The following ADGRV1 variants were observed in gnomAD, a reference collection of about 807,000 sequenced individuals.
ADGRV1 encodes adhesion G protein-coupled receptor V1.
A neutral mutation model predicts 596.2 loss-of-function variants in ADGRV1; 359 were observed. That is an observed-to-expected ratio of 0.60 (90% CI 0.55 to 0.66). ADGRV1 has a LOEUF of 0.66. ADGRV1 is among the 30% of genes least tolerant of loss of function. The probability of loss-of-function intolerance (pLI) is 0.00; values close to 1 mark genes in which losing one functional copy is unlikely to be tolerated. For synonymous variants in ADGRV1, 2,681 were observed against 2,679.2 expected (o/e 1.00, Z -0.02); for missense variants, 7,274 against 7,575.6 (o/e 0.96, Z 1.48).
Position 90,643,786 on chromosome 5 carries a change from T to A in ADGRV1, c.2554-17T>A. 6.4e-7 allele frequency: 1 copy of A among 1,560,616 alleles called. No homozygotes were observed. Among genetic ancestry groups the A allele is most frequent in the East Asian group, 2.3e-5 (1 of 43,780 alleles). On this transcript the variant is annotated splice_polypyrimidine_tract_variant and intron_variant, in intron 13 of 89. Coordinates refer to ENST00000405460, the MANE Select transcript of ADGRV1 (RefSeq NM_032119.4). ...AGTCAACTTTATAATTTCCATACTTTGACACATTCACTTTAGTTGGATGAA... is the reference window on the plus strand; with the variant it reads ...AGTCAACTTTATAATTTCCATACTTAGACACATTCACTTTAGTTGGATGAA...
chr5:90,565,859 C>T (rs185243174), intron 1 of ADGRV1, among the ~76,000 whole-genome samples: 2 of 152,010 alleles, frequency 1.3e-5, no homozygotes, highest in African/African-American at 2.4e-5. Context: ...CCATCCTATT[C>T]GGTGTGAAGT....
At chr5:90,826,218 A>G (rs1170458237) in intron 76 of ADGRV1, among the ~76,000 whole-genome samples, 1 of 152,212 alleles carries the variant, frequency 6.6e-6, no homozygotes, top group African/African-American at 2.4e-5. Flanking sequence ...AGACCTAATG[A>G]TATACACAAT....
At chr5:90,608,308 A>T (rs1762347097) in intron 1 of ADGRV1, among the ~76,000 whole-genome samples, 1 of 152,144 alleles carries the variant, frequency 6.6e-6, no homozygotes, top group Admixed American at 6.6e-5. Context: ...TGAGTGGCAC[A>T]TTGAAGGGAA....
intron 78 of ADGRV1, among the ~76,000 whole-genome samples, chr5:90,847,840 C>T (rs1159360346): frequency 6.6e-6 from 1 of 152,178 alleles, no homozygotes; most frequent in African/African-American, 2.4e-5. Context: ...CCCGCCTCTC[C>T]CTCCACACCT....
At chr5:90,794,374 A>G (rs914015802) in intron 70 of ADGRV1, among the ~76,000 whole-genome samples, 1 of 152,206 alleles carries the variant, frequency 6.6e-6, no homozygotes, top group Non-Finnish European at 1.5e-5. Context: ...CAGACTGACA[A>G]TAAGAATCAT....
At chr5:90,866,383 A>G (rs1378286071) in intron 83 of ADGRV1, among the ~76,000 whole-genome samples, 2 of 151,518 alleles carry the variant, frequency 1.3e-5, no homozygotes, top group Non-Finnish European at 2.9e-5. Context: ...AAATCCAAAG[A>G]TTATTCCTGC....
chr5:90,690,912 C>T lies in ADGRV1; in HGVS notation c.6822C>T (p.Ala2274=), dbSNP rs1457761601. The change falls in exon 31 of 90, where the codon GCC becomes GCT. Residue 2274 remains alanine (A), a synonymous_variant. Coordinates refer to ENST00000405460, the MANE Select transcript of ADGRV1 (RefSeq NM_032119.4). ...GCAATGTTACTGTTCAGTGGGTTGC[C>T]ACCATTAATGGACAGCTTGCTACTG... The part of the protein sequence containing the change: ...TLGNVTVQWV[A]TINGQLATGD... 6.2e-7 allele frequency: 1 copy of T among 1,613,662 alleles called. No homozygotes were observed. The highest frequency in any genetic ancestry group is 1.3e-5 in the African/African-American group (1 of 74,900).
intron 21 of ADGRV1, among the ~76,000 whole-genome samples, chr5:90,661,506 A>G (rs1478854793): frequency 1.3e-5 from 2 of 152,230 alleles, no homozygotes; most frequent in Non-Finnish European, 2.9e-5. Flanking sequence ...TGCATGAAAC[A>G]AAATTAAAAA....
At position 90,987,372 on chromosome 5, in the gene ADGRV1, C is replaced by T. The variant is rs187224992; in HGVS notation, c.18152+1850C>T. Among the ~76,000 whole-genome samples the T allele has an allele frequency of 8.7e-5, 13 of 148,858 alleles. No homozygotes were observed. In the East Asian group the frequency reaches 2.2e-3, roughly 25 times the overall value. ...GTAGTCTCAGCTACCCGGGAGGCTG[C>T]GGCAGGAGAATCACTTGAACCCAGG... On this transcript the variant is annotated intron_variant, in intron 85 of 89. Transcript: ENST00000405460.
intron 1 of ADGRV1, among the ~76,000 whole-genome samples, chr5:90,605,927 T>C (rs567620378): frequency 8.4e-4 from 127 of 151,048 alleles, no homozygotes; most frequent in African/African-American, 3.0e-3. Context: ...AGTAAAAGGA[T>C]GATGAAAAAA....
chr5:90,587,213 C>G (rs1758866891), intron 1 of ADGRV1, among the ~76,000 whole-genome samples: 1 of 152,122 alleles, frequency 6.6e-6, no homozygotes, highest in Admixed American at 6.5e-5. Flanking sequence ...TCATGTTTCT[C>G]TTGTGACGTG....
chr5:90,666,621 G>A (rs6878918), intron 21 of ADGRV1, among the ~76,000 whole-genome samples: 50,051 of 107,664 alleles, frequency 0.46, 12,505 homozygotes, highest in East Asian at 0.75. Context: ...TTTAAAGTTA[G>A]TATTGTTATG....
rs192685426 is a variant in ADGRV1, at chr5:90,969,866, G to A, written c.17973+4335G>A. Among the ~76,000 whole-genome samples the A allele has an allele frequency of 2.9e-3, 439 of 152,298 alleles. 1 individual carries two copies. The highest frequency in any genetic ancestry group is 4.8e-3 in the Non-Finnish European group (328 of 68,020). ...TGGGTTCATCTCACGGGGCCTGATC[G>A]GACAGTGGAGGCAGGACAGTGGGTG... is the stretch of plus-strand genomic sequence containing the variant. On this transcript the variant is annotated intron_variant, in intron 84 of 89. Transcript: ENST00000405460.
At chr5:91,097,159 A>G (rs1790946633) in intron 86 of ADGRV1, among the ~76,000 whole-genome samples, 1 of 152,214 alleles carries the variant, frequency 6.6e-6, no homozygotes, top group African/African-American at 2.4e-5. Context: ...CAGAAAGTCC[A>G]AGATCAAGGT....
rs778126942 is a variant in ADGRV1 at position 90,784,050 on chromosome 5, A to G, written c.13646A>G (p.Glu4549Gly). The change falls in exon 67 of 90, where the codon GAG (glutamate) becomes GGG (glycine). Residue 4549 changes from glutamate (E) to glycine (G), a missense_variant. Glu to Gly is a moderately conservative substitution (Grantham distance 98). Coordinates refer to ENST00000405460, the MANE Select transcript of ADGRV1 (RefSeq NM_032119.4). ...GAGCGGACTGGAGGACTCTTGGGAGAGATTCAGGTAGATTTATGTTCCCCA... is the reference window on the plus strand; with the variant it reads ...GAGCGGACTGGAGGACTCTTGGGAGGGATTCAGGTAGATTTATGTTCCCCA... Reference protein sequence around the residue: ...VLERTGGLLGEIQVNWETVGP... With the variant: ...VLERTGGLLGGIQVNWETVGP... The G allele has an allele frequency of 6.3e-7, 1 of 1,599,600 alleles. No individual in the cohort carries two copies. The highest frequency in any genetic ancestry group is 8.5e-7 in the Non-Finnish European group (1 of 1,169,594).
chr5:91,010,629 A>T (rs951948348), intron 85 of ADGRV1, among the ~76,000 whole-genome samples: 18 of 152,018 alleles, frequency 1.2e-4, no homozygotes, highest in Admixed American at 9.8e-4. Context: ...ATACAAAGAA[A>T]TTTTGTCTGA....
At position 90,985,499 on chromosome 5, in the gene ADGRV1, C is replaced by T; in HGVS notation, c.18129C>T (p.Ile6043=). The T allele has an allele frequency of 6.2e-7, 1 of 1,613,742 alleles. No homozygotes were observed. Residue 6043 remains isoleucine (I), a synonymous_variant, in exon 85 of 90, where the codon ATC becomes ATT. Transcript: ENST00000405460. ...KGIYHQSMSQ[I]YGLIHGDLCF... ...TCTATCATCAGAGCATGTCACAGAT[C>T]TATGGACTCATTCATGGTGACCTGT...
At position 90,773,773 on chromosome 5, in the gene ADGRV1, G is replaced by A. The variant is rs141014801; in HGVS notation, c.12286-413G>A. On this transcript the variant is annotated intron_variant, in intron 59 of 89. Coordinates refer to ENST00000405460, the MANE Select transcript of ADGRV1 (RefSeq NM_032119.4). ...TGGATATCCAGTGTTGATGAACAAC[G>A]GCTGGCATCTCAGGGCTGTGGTTGC... 3.3e-5 allele frequency among the ~76,000 whole-genome samples: 5 copies of A among 152,244 alleles called. No individual in the cohort carries two copies. The East Asian group carries it at 9.7e-4, about 30-fold the overall frequency.
At chr5:90,987,967 A>T (rs1780634172) in intron 85 of ADGRV1, among the ~76,000 whole-genome samples, 2 of 152,076 alleles carry the variant, frequency 1.3e-5, no homozygotes, top group South Asian at 4.1e-4. Flanking sequence ...TAGCTCTTTG[A>T]GATTGCCAGA....
Sources: allele counts gnomAD v4.1 joint callset (sites outside exome capture counted in the v4.1 genomes callset), GRCh38; gene constraint gnomAD v4.1.1; transcripts MANE v1.5; gene names NCBI Gene and HGNC (gene_info 2026-07-23, HGNC 2026-07-21).